PSMD3: variants seen among roughly 807,000 people sequenced by gnomAD.
PSMD3 encodes proteasome 26S subunit, non-ATPase 3.
A neutral mutation model predicts 62.8 loss-of-function variants in PSMD3; 5 were observed. That is an observed-to-expected ratio of 0.08 (90% CI 0.04 to 0.17). The LOEUF (loss-of-function observed/expected upper bound fraction) is 0.17. Ranked by LOEUF, PSMD3 falls within the 10% of genes least tolerant of loss-of-function variation. The pLI is 1.00. For missense variants in PSMD3, 524 were observed against 713.6 expected, an observed-to-expected ratio of 0.73 and a Z score of 3.03; for synonymous variants, 265 against 283.9, an observed-to-expected ratio of 0.93 and a Z score of 0.67.
At position 39,995,341 on chromosome 17, in the gene PSMD3, C is replaced by T. The variant is rs1383328924; in HGVS notation, c.1216+46C>T. 6.2e-7 allele frequency: 1 copy of T among 1,613,962 alleles called. No homozygotes were observed. Among genetic ancestry groups the T allele is most frequent in the Admixed American group, 1.7e-5 (1 of 59,994 alleles). On this transcript the variant is annotated intron_variant, in intron 8 of 11. Coordinates refer to ENST00000264639, the MANE Select transcript of PSMD3 (RefSeq NM_002809.4). The surrounding 1 kb of genome is among the most constrained non-coding windows in gnomAD (Gnocchi z 4.1). Reference sequence around the variant, plus strand: ...GGCTGTTGGAGGAGCAGAAGCCAGGCCAGGGCAAACCTAGTGGGTATCCTT... The same window carrying T: ...GGCTGTTGGAGGAGCAGAAGCCAGGTCAGGGCAAACCTAGTGGGTATCCTT...
intron 3 of PSMD3, among the ~76,000 whole-genome samples, chr17:39,988,396 AGT>A (rs2144811224): frequency 6.6e-6 from 1 of 152,218 alleles, no homozygotes; most frequent in African/African-American, 2.4e-5. Context: ...CCCATGTTGT[AGT>A]GTGTGTCAGT....
chr17:39,993,796 G>C (rs951991483), intron 6 of PSMD3: 4 of 152,154 alleles, frequency 2.6e-5, no homozygotes, highest in African/African-American at 4.8e-5. Flanking sequence ...TATCATAACG[G>C]TCTTGTGAGG....
At chr17:39,989,696 G>C (rs1761067330) in intron 4 of PSMD3, 43 bp from the exon 5 acceptor site, 1 of 1,570,358 alleles carries the variant, frequency 6.4e-7, no homozygotes, top group Admixed American at 1.7e-5. Flanking sequence ...AGTTCAGAGA[G>C]TTGTGATTTG....
chr17:39,984,394 C>T lies in PSMD3; in HGVS notation c.321C>T (p.Arg107=). ...GGATGCTGCCTTCCACATCACGCCG[C>T]CTCAACCACTATGTTCTGTATAAGG... is the stretch of plus-strand genomic sequence containing the variant. ...ALRMLPSTSR[R]LNHYVLYKAV... Residue 107 remains arginine (R), a synonymous_variant, in exon 2 of 12, where the codon CGC becomes CGT. Transcript: ENST00000264639. 6.2e-7 allele frequency: 1 copy of T among 1,613,822 alleles called. No homozygotes were observed. The highest frequency in any genetic ancestry group is 2.2e-5 in the East Asian group (1 of 44,874).
At chr17:39,981,325 A>T in intron 1 of PSMD3, 135 bp downstream of exon 1, 1 of 1,401,664 alleles carries the variant, frequency 7.1e-7, no homozygotes, top group Non-Finnish European at 9.5e-7. Context: ...ACCTGCTCCC[A>T]CTGCCCCGAC....
intron 4 of PSMD3, 142 bp downstream of exon 4, chr17:39,988,961 C>G: frequency 8.8e-7 from 1 of 1,131,282 alleles, no homozygotes. Context: ...ATGCCCTGCG[C>G]CACGTGAGGG....
intron 1 of PSMD3, among the ~76,000 whole-genome samples, chr17:39,983,025 G>A (rs1980423944): frequency 6.6e-6 from 1 of 151,760 alleles, no homozygotes; most frequent in African/African-American, 2.4e-5. Context: ...AGTTTTCACT[G>A]TACTCTATAA....
chr17:39,994,498 T>A (rs1568138996), intron 6 of PSMD3: 1 of 190,788 alleles, frequency 5.2e-6, no homozygotes, highest in East Asian at 1.3e-4. Flanking sequence ...CTTATGCCTC[T>A]ACCCAGATAA....
intron 3 of PSMD3, among the ~76,000 whole-genome samples, chr17:39,987,198 C>T (rs541605924): frequency 2.7e-5 from 4 of 150,766 alleles, no homozygotes; most frequent in African/African-American, 9.6e-5. Context: ...GGACTAATAG[C>T]TCCATTTGCA....
At chr17:39,990,227 C>CTT in intron 6 of PSMD3, 30 bp downstream of exon 6, 4 of 1,381,414 alleles carry the variant, frequency 2.9e-6, no homozygotes, top group Admixed American at 2.5e-5. Flanking sequence ...ATCCCTTTGC[C>CTT]TCTTTTTTTT....
intron 2 of PSMD3, among the ~76,000 whole-genome samples, chr17:39,984,905 A>T (rs944109621): frequency 6.6e-6 from 1 of 151,204 alleles, no homozygotes; most frequent in African/African-American, 2.4e-5. Context: ...TCTTCCCAGC[A>T]CTTTGGGAGG....
chr17:39,994,718 G>C (rs1980739773), intron 6 of PSMD3: 1 of 549,736 alleles, frequency 1.8e-6, no homozygotes, highest in African/African-American at 1.9e-5. Context: ...AAATGCAGCT[G>C]ACGGCTCTGC....
intron 1 of PSMD3, 96 bp downstream of exon 1, chr17:39,981,286 C>T: frequency 6.6e-7 from 1 of 1,520,144 alleles, no homozygotes; most frequent in South Asian, 1.2e-5. Context: ...GCCTCCACCA[C>T]CCTCAGTTCT....
intron 1 of PSMD3, among the ~76,000 whole-genome samples, chr17:39,981,691 T>C (rs1342818857): frequency 6.6e-6 from 1 of 152,204 alleles, no homozygotes; most frequent in African/African-American, 2.4e-5. Flanking sequence ...TTCGACCTAG[T>C]ATCTTGTTTC....
intron 2 of PSMD3, among the ~76,000 whole-genome samples, chr17:39,986,048 C>T (rs1980518306): frequency 1.3e-5 from 2 of 152,136 alleles, no homozygotes; most frequent in African/African-American, 4.8e-5. Context: ...TTTTTGTTCT[C>T]CTGTAACACT....
In PSMD3 at chr17:39,984,275, C is replaced by T. The variant is rs754203075; in HGVS notation, c.221-19C>T. 1 of 1,518,000 alleles carries T rather than the reference C, an allele frequency of 6.6e-7. No individual in the cohort carries two copies. The highest frequency in any genetic ancestry group is 1.1e-5 in the South Asian group (1 of 88,614). The allele number at this position is 1,518,000 out of a possible 1,614,324, so 94.0% of individuals were successfully genotyped here. A position where few individuals can be genotyped will look rare whatever the true frequency, so the allele number is the denominator to read the frequency against. ...CTAGGAGTGAAAGTGACATCATTTT[C>T]TTCTCTGCTCTTCTTCAGACATCAA... On this transcript the variant is annotated intron_variant, in intron 1 of 11. Coordinates refer to ENST00000264639, the MANE Select transcript of PSMD3 (RefSeq NM_002809.4).
rs186684323 is a variant in PSMD3 at position 39,997,587 on chromosome 17, G to A, written c.*6G>A. 1.1e-4 allele frequency: 172 copies of A among 1,613,486 alleles called. No homozygotes were observed. In the African/African-American group the frequency reaches 2.1e-3, roughly 20 times the overall value. On this transcript the variant is annotated 3_prime_UTR_variant, in exon 12 of 12. Transcript: ENST00000264639. ...ATGATGACAGCTTCCCTTGAGCTGG[G>A]GGGCTGGGGAGGGGTAGGGGGAATG...
In PSMD3 at chr17:39,995,979, C is replaced by A. The variant is rs1234283091; in HGVS notation, c.1321-204C>A. On this transcript the variant is annotated intron_variant, in intron 9 of 11. Coordinates refer to ENST00000264639, the MANE Select transcript of PSMD3 (RefSeq NM_002809.4). The surrounding 1 kb of genome is among the most constrained non-coding windows in gnomAD (Gnocchi z 4.1). ...ACTGAAAATACAAAAATTAGCCAGG[C>A]CTGGTGGCAGGTTCCTGTAATCCCA... 1 of 612,788 alleles carries A rather than the reference C, an allele frequency of 1.6e-6. No individual in the cohort carries two copies. Among genetic ancestry groups the A allele is most frequent in the Non-Finnish European group, 2.8e-6 (1 of 358,746 alleles). 38.0% of individuals were successfully genotyped at this position (612,788 alleles called of 1,614,324 possible).
intron 4 of PSMD3, among the ~76,000 whole-genome samples, chr17:39,989,337 C>T (rs9916417): frequency 0.024 from 3,687 of 152,248 alleles, 166 homozygotes; most frequent in African/African-American, 0.083. Flanking sequence ...CTCTTCTCTC[C>T]GCCTCCTTCA....
Sources: allele counts gnomAD v4.1 joint callset (sites outside exome capture counted in the v4.1 genomes callset), GRCh38; gene constraint gnomAD v4.1.1; non-coding constraint Gnocchi (gnomAD v3.1); transcripts MANE v1.5; gene names NCBI Gene and HGNC (gene_info 2026-07-23, HGNC 2026-07-21).